The following GPC5 variants were observed in gnomAD, a reference collection of about 807,000 sequenced individuals.
GPC5 encodes the protein glypican-5.
Under a neutral mutation model 53.9 loss-of-function variants are expected in GPC5, and 47 were observed. The observed-to-expected ratio is 0.87, with a 90% CI of 0.69 to 1.11. The LOEUF is 1.11. GPC5 is among the 50% of genes most tolerant of loss of function. The pLI, the probability that GPC5 is intolerant of heterozygous loss-of-function variation, is 0.00. For synonymous variants in GPC5, 286 were observed against 263.3 expected (o/e 1.09, Z -0.84); for missense variants, 748 against 713.1 (o/e 1.05, Z -0.56).
chr13:92,741,557 C>T (rs551269409), intron 7 of GPC5, among the ~76,000 whole-genome samples: 1 of 151,992 alleles, frequency 6.6e-6, no homozygotes, highest in Admixed American at 6.6e-5. Context: ...TGGAAGGCAA[C>T]TTTAGGAGTA....
At chr13:91,817,517 A>G (rs1391738980) in intron 5 of GPC5, among the ~76,000 whole-genome samples, 1 of 152,188 alleles carries the variant, frequency 6.6e-6, no homozygotes, top group African/African-American at 2.4e-5. Context: ...TGTAAAGTGT[A>G]TACTTAAGAA....
At chr13:91,629,974 G>A (rs1455189481) in intron 2 of GPC5, among the ~76,000 whole-genome samples, 4 of 152,034 alleles carry the variant, frequency 2.6e-5, no homozygotes, top group African/African-American at 9.7e-5. Flanking sequence ...CTTTTCCAAT[G>A]ATCATCTTTA....
chr13:91,438,882 C>T lies in GPC5; in HGVS notation c.164-9879C>T, dbSNP rs538442929. ...ATGGCGGGCGCCCCTCCCCCAGCCT[C>T]GCTGCTGCCTTGCAGTTTGATCTCA... is the stretch of plus-strand genomic sequence containing the variant. On this transcript the variant is annotated intron_variant, in intron 1 of 7. Coordinates refer to ENST00000377067, the MANE Select transcript of GPC5 (RefSeq NM_004466.6). Among the ~76,000 whole-genome samples, 5 of 152,276 alleles carry T rather than the reference C, an allele frequency of 3.3e-5. No individual in the cohort carries two copies. In the East Asian group the frequency reaches 5.8e-4, roughly 18 times the overall value.
chr13:91,607,050 G>T (rs1353371600), intron 2 of GPC5, among the ~76,000 whole-genome samples: 3 of 151,656 alleles, frequency 2.0e-5, no homozygotes, highest in African/African-American at 7.3e-5. Flanking sequence ...GTGATGTTAG[G>T]GTGTCAATTT....
chr13:91,960,374 G>T (rs111959405), intron 6 of GPC5, among the ~76,000 whole-genome samples: 2,199 of 151,968 alleles, frequency 0.014, 48 homozygotes, highest in African/African-American at 0.051. Context: ...AACCAAGAAG[G>T]TGAAAGACCT....
chr13:92,066,913 A>C (rs772790111), intron 6 of GPC5, among the ~76,000 whole-genome samples: 9 of 152,090 alleles, frequency 5.9e-5, no homozygotes, highest in Non-Finnish European at 1.3e-4. Context: ...AAAGGTGAAC[A>C]TTTATAGGCT....
intron 7 of GPC5, among the ~76,000 whole-genome samples, chr13:92,522,608 G>A (rs1226618174): frequency 1.3e-5 from 2 of 152,044 alleles, no homozygotes; most frequent in Non-Finnish European, 2.9e-5. Flanking sequence ...TCACACACTG[G>A]GGCCTGTTGT....
At chr13:91,846,497 A>G (rs533354087) in intron 5 of GPC5, among the ~76,000 whole-genome samples, 2 of 152,140 alleles carry the variant, frequency 1.3e-5, no homozygotes, top group Admixed American at 1.3e-4. Flanking sequence ...TTGATGGTCA[A>G]GTATACCTTT....
chr13:92,425,431 T>A (rs2139367626), intron 7 of GPC5, among the ~76,000 whole-genome samples: 1 of 152,190 alleles, frequency 6.6e-6, no homozygotes, highest in East Asian at 1.9e-4. Context: ...TACTAAGGAC[T>A]TTTTATTCCT....
intron 7 of GPC5, among the ~76,000 whole-genome samples, chr13:92,470,167 TAGG>T (rs1297249708): frequency 6.6e-6 from 1 of 152,136 alleles, no homozygotes; most frequent in Non-Finnish European, 1.5e-5. Context: ...CGTTTAATTA[TAGG>T]AGGAAAGATG....
At position 91,627,278 on chromosome 13, in the gene GPC5, C is replaced by T. The variant is rs1365220726; in HGVS notation, c.326-65909C>T. The stretch of plus-strand genomic sequence containing the variant: ...ATCTCCTGACCTCATGATCCACCCG[C>T]CTCGGCCTCCCAAAGTGCTGGGATT... On this transcript the variant is annotated intron_variant, in intron 2 of 7. Transcript: ENST00000377067. 1.8e-4 allele frequency among the ~76,000 whole-genome samples: 2 copies of T among 11,146 alleles called. 1 individual carries two copies. The highest frequency in any genetic ancestry group is 2.5e-4 in the Non-Finnish European group (2 of 7,980). The allele number at this position is 11,146 out of a possible 152,430, so 7.3% of individuals were successfully genotyped here.
chr13:91,839,319 G>A (rs1317625144), intron 5 of GPC5, among the ~76,000 whole-genome samples: 2 of 151,962 alleles, frequency 1.3e-5, no homozygotes, highest in Non-Finnish European at 2.9e-5. Flanking sequence ...TATGATAACA[G>A]ACATTTTCCA....
intron 7 of GPC5, among the ~76,000 whole-genome samples, chr13:92,209,611 C>T (rs1413107208): frequency 6.6e-6 from 1 of 152,114 alleles, no homozygotes; most frequent in Non-Finnish European, 1.5e-5. Flanking sequence ...ACAGTTAATG[C>T]TCCCAACAAC....
chr13:92,005,053 G>A (rs2040593925), intron 6 of GPC5, among the ~76,000 whole-genome samples: 1 of 152,006 alleles, frequency 6.6e-6, no homozygotes, highest in Non-Finnish European at 1.5e-5. Flanking sequence ...AATCTCCTTT[G>A]GCAACATACT....
At chr13:92,126,500 G>A (rs917711819) in intron 6 of GPC5, among the ~76,000 whole-genome samples, 7 of 152,158 alleles carry the variant, frequency 4.6e-5, no homozygotes, top group Admixed American at 1.3e-4. Context: ...CAATCAGTAA[G>A]ATTTATGTGG....
chr13:92,315,330 A>G (rs1251832746), intron 7 of GPC5, among the ~76,000 whole-genome samples: 2 of 152,210 alleles, frequency 1.3e-5, no homozygotes, highest in Non-Finnish European at 2.9e-5. Flanking sequence ...CTCCTCAATC[A>G]TCTTCTGTTT....
At chr13:91,537,270 C>T (rs529271084) in intron 2 of GPC5, among the ~76,000 whole-genome samples, 1 of 151,826 alleles carries the variant, frequency 6.6e-6, no homozygotes, top group African/African-American at 2.4e-5. Context: ...AGAATATTAA[C>T]AACACTGATA....
intron 7 of GPC5, among the ~76,000 whole-genome samples, chr13:92,223,845 A>C (rs934700345): frequency 2.0e-5 from 3 of 152,202 alleles, no homozygotes; most frequent in African/African-American, 7.2e-5. Context: ...TGTTTTGTAA[A>C]GGGCATTTCA....
chr13:92,372,330 T>G (rs1171417214), intron 7 of GPC5, among the ~76,000 whole-genome samples: 1 of 152,232 alleles, frequency 6.6e-6, no homozygotes, highest in African/African-American at 2.4e-5. Context: ...GTTTATCCTC[T>G]GTGAAACAGA....
Sources: allele counts gnomAD v4.1 joint callset (sites outside exome capture counted in the v4.1 genomes callset), GRCh38; gene constraint gnomAD v4.1.1; transcripts MANE v1.5; gene names NCBI Gene and HGNC (gene_info 2026-07-23, HGNC 2026-07-21).